The following ERI3 variants were observed in gnomAD, a reference collection of about 807,000 sequenced individuals.
ERI3 encodes the protein ERI1 exoribonuclease family member 3.
A neutral mutation model predicts 44.4 loss-of-function variants in ERI3; 18 were observed. The ratio of observed to expected loss-of-function variants is 0.41; its 90% confidence interval spans 0.28 to 0.60. The LOEUF (loss-of-function observed/expected upper bound fraction) is 0.60, where lower values mean the gene tolerates loss of function less well. Ranked by LOEUF, ERI3 falls within the 20% of genes least tolerant of loss-of-function variation. The pLI is 0.36. For synonymous variants in ERI3, 183 were observed against 164.8 expected, an observed-to-expected ratio of 1.11 and a Z score of -0.84; for missense variants, 294 against 435.5, an observed-to-expected ratio of 0.68 and a Z score of 2.89.
At chr1:44,308,213 G>T in intron 6 of ERI3, 97 bp downstream of exon 6, 1 of 862,130 alleles carries the variant, frequency 1.2e-6, no homozygotes. Flanking sequence ...AAGAATCCCT[G>T]ATCCAGCTGC....
chr1:44,324,475 TC>T (rs1646266333), intron 3 of ERI3, among the ~76,000 whole-genome samples: 3 of 119,550 alleles, frequency 2.5e-5, no homozygotes, highest in African/African-American at 8.5e-5. Flanking sequence ...CAACATAGAC[TC>T]TTTTTTTTTT....
At chr1:44,295,179 T>C (rs1373576110) in intron 6 of ERI3, among the ~76,000 whole-genome samples, 1 of 152,082 alleles carries the variant, frequency 6.6e-6, no homozygotes, top group East Asian at 1.9e-4. Flanking sequence ...GGCTACTTCA[T>C]GGACTGGGGG....
chr1:44,281,466 T>C (rs1263493134), intron 7 of ERI3, among the ~76,000 whole-genome samples: 1 of 151,446 alleles, frequency 6.6e-6, no homozygotes, highest in Non-Finnish European at 1.5e-5. Context: ...TGGGCACTTG[T>C]AGTCCCAGCT....
At chr1:44,285,057 G>C (rs1433516884) in intron 6 of ERI3, 150 bp from the exon 7 acceptor site, 1 of 636,080 alleles carries the variant, frequency 1.6e-6, no homozygotes, top group Non-Finnish European at 2.8e-6. Flanking sequence ...CAAAGAAAGG[G>C]AACCCCACCT....
At chr1:44,245,019 C>T (rs550906863) in intron 8 of ERI3, among the ~76,000 whole-genome samples, 1 of 152,268 alleles carries the variant, frequency 6.6e-6, no homozygotes, top group African/African-American at 2.4e-5. Flanking sequence ...GCTGGCAGCT[C>T]CTCACACAGT....
chr1:44,295,207 G>C (rs943156368), intron 6 of ERI3, among the ~76,000 whole-genome samples: 4 of 152,140 alleles, frequency 2.6e-5, no homozygotes, highest in Non-Finnish European at 4.4e-5. Flanking sequence ...GGAAGAATGG[G>C]AGAGGAAGAA....
At chr1:44,314,304 T>C (rs1053475742) in intron 4 of ERI3, among the ~76,000 whole-genome samples, 1 of 152,094 alleles carries the variant, frequency 6.6e-6, no homozygotes, top group Non-Finnish European at 1.5e-5. Context: ...TAGGGAGAAA[T>C]TTTCATTTTA....
intron 6 of ERI3, among the ~76,000 whole-genome samples, chr1:44,305,922 C>G (rs1467368815): frequency 6.6e-6 from 1 of 152,194 alleles, no homozygotes; most frequent in Non-Finnish European, 1.5e-5. Context: ...CAATTTAACA[C>G]CACCCTTGTC....
At chr1:44,310,951 T>TCGTGCGCGCGCGCG (rs1553195163) in intron 5 of ERI3, among the ~76,000 whole-genome samples, 18 of 95,050 alleles carry the variant, frequency 1.9e-4, no homozygotes, top group African/African-American at 7.6e-4. Context: ...TATGTGCACA[T>TCGTGCGCGCGCGCG]CGCGCGCGCG....
intron 7 of ERI3, among the ~76,000 whole-genome samples, chr1:44,283,161 A>AG (rs1342072802): frequency 3.3e-5 from 5 of 152,178 alleles, no homozygotes; most frequent in African/African-American, 1.2e-4. Flanking sequence ...GCTATGTTCC[A>AG]GGGGTCCATG....
intron 6 of ERI3, among the ~76,000 whole-genome samples, chr1:44,286,559 C>T (rs1042597225): frequency 6.6e-6 from 1 of 151,998 alleles, no homozygotes; most frequent in Admixed American, 6.6e-5. Flanking sequence ...CAGAATAGAG[C>T]GAGGTGAGCA....
At chr1:44,244,449 C>G (rs1644509613) in intron 8 of ERI3, among the ~76,000 whole-genome samples, 1 of 152,168 alleles carries the variant, frequency 6.6e-6, no homozygotes, top group Admixed American at 6.5e-5. Flanking sequence ...GCCCACAACT[C>G]CATTTGTGAG....
At chr1:44,283,312 G>A (rs1028131021) in intron 7 of ERI3, among the ~76,000 whole-genome samples, 21 of 152,224 alleles carry the variant, frequency 1.4e-4, no homozygotes, top group African/African-American at 4.8e-4. Flanking sequence ...GACACAGAGA[G>A]GAACCAGACT....
rs567188579 is a variant in ERI3, at chr1:44,238,754, C to G, written c.931+9185G>C. Among the ~76,000 whole-genome samples, 6 of 152,100 alleles carry G rather than the reference C, an allele frequency of 3.9e-5. No homozygotes were observed. The South Asian group carries it at 8.3e-4, about 21-fold the overall frequency. On this transcript the variant is annotated intron_variant, in intron 8 of 8. Coordinates refer to ENST00000372257, the MANE Select transcript of ERI3 (RefSeq NM_024066.3). ...TGAACCCCATCACATAGCCTCCCCC[C>G]ACAGAGGCCAGACTGGGGCTGAAAG... is the stretch of plus-strand genomic sequence containing the variant.
intron 8 of ERI3, among the ~76,000 whole-genome samples, chr1:44,233,199 T>C (rs760536083): frequency 2.0e-5 from 3 of 152,118 alleles, no homozygotes; most frequent in Non-Finnish European, 1.5e-5. Flanking sequence ...GTGTGCACTC[T>C]CTCTCCCTTC....
At chr1:44,328,421 T>A (rs325141) in intron 3 of ERI3, among the ~76,000 whole-genome samples, 1 of 151,998 alleles carries the variant, frequency 6.6e-6, no homozygotes, top group African/African-American at 2.4e-5. Flanking sequence ...CCTTTCAGAA[T>A]CAGAAGCCCT....
chr1:44,233,836 A>G (rs975141290), intron 8 of ERI3, among the ~76,000 whole-genome samples: 1 of 152,194 alleles, frequency 6.6e-6, no homozygotes, highest in Non-Finnish European at 1.5e-5. Flanking sequence ...GGCAAACTTC[A>G]GAGTTGTTTA....
intron 2 of ERI3, among the ~76,000 whole-genome samples, chr1:44,346,742 A>G (rs747429054): frequency 1.3e-5 from 2 of 152,178 alleles, no homozygotes; most frequent in African/African-American, 4.8e-5. Context: ...GTGTTAAAAC[A>G]CTGGTAATAG....
chr1:44,313,399 CAG>C (rs1470710358), intron 4 of ERI3, among the ~76,000 whole-genome samples, 171 bp from the exon 5 acceptor site: 1 of 152,126 alleles, frequency 6.6e-6, no homozygotes, highest in Non-Finnish European at 1.5e-5. Context: ...TCCCAGGACC[CAG>C]GACACAATGT....
Sources: allele counts gnomAD v4.1 joint callset (sites outside exome capture counted in the v4.1 genomes callset), GRCh38; gene constraint gnomAD v4.1.1; transcripts MANE v1.5; gene names NCBI Gene and HGNC (gene_info 2026-07-23, HGNC 2026-07-21).